The following RFX3 variants were observed in gnomAD, a reference collection of about 807,000 sequenced individuals.
RFX3 encodes transcription factor RFX3.
A neutral mutation model predicts 98.6 loss-of-function variants in RFX3; 14 were observed. The ratio of observed to expected loss-of-function variants is 0.14; its 90% CI spans 0.09 to 0.22. RFX3 has a LOEUF of 0.22. Ranked by LOEUF, RFX3 falls within the 10% of genes least tolerant of loss-of-function variation. The pLI is 1.00. For synonymous variants in RFX3, 383 were observed against 328.4 expected, an observed-to-expected ratio of 1.17 and a Z score of -1.80; for missense variants, 639 against 926.9, an observed-to-expected ratio of 0.69 and a Z score of 4.03.
intron 1 of RFX3, among the ~76,000 whole-genome samples, chr9:3,467,147 TAA>T (rs1491321948): frequency 7.6e-5 from 9 of 118,666 alleles, no homozygotes; most frequent in South Asian, 2.3e-4. Context: ...TGTATATACA[TAA>T]TATATATGTA....
rs1417098468 is a variant in RFX3, at chr9:3,518,130, G to T, written c.-9+7617C>A. On this transcript the variant is annotated intron_variant, in intron 1 of 16. Coordinates refer to ENST00000617270, the MANE Select transcript of RFX3 (RefSeq NM_001282116.2). Reference sequence around the variant, plus strand: ...CAATATGCTATACTATATAGCATAGGCGTGTAGCAGGCTATACCATCTAGG... The same window carrying T: ...CAATATGCTATACTATATAGCATAGTCGTGTAGCAGGCTATACCATCTAGG... Among the ~76,000 whole-genome samples, 3 of 152,144 alleles carry T rather than the reference G, an allele frequency of 2.0e-5. No individual in the cohort carries two copies. The East Asian group carries it at 5.8e-4, about 29-fold the overall frequency.
intron 4 of RFX3, among the ~76,000 whole-genome samples, chr9:3,314,645 A>G (rs369386685): frequency 2.0e-5 from 3 of 152,302 alleles, no homozygotes; most frequent in South Asian, 4.1e-4. Context: ...GTACAGAGAC[A>G]CACATAGGCT....
At chr9:3,400,121 G>T in intron 1 of RFX3, 2 of 328,120 alleles carry the variant, frequency 6.1e-6, no homozygotes, top group Non-Finnish European at 8.7e-6. Context: ...TTAAAACTAT[G>T]ATTTTCCTTA....
intron 1 of RFX3, chr9:3,469,234 A>C (rs1443207393): frequency 2.2e-6 from 1 of 454,002 alleles, no homozygotes; most frequent in East Asian, 6.9e-5. Flanking sequence ...ATTTGTGTTC[A>C]ATGTAGGAAC....
intron 1 of RFX3, among the ~76,000 whole-genome samples, chr9:3,512,421 T>C (rs747440035): frequency 6.6e-5 from 10 of 151,974 alleles, no homozygotes; most frequent in Non-Finnish European, 1.3e-4. Flanking sequence ...ACATTTATGG[T>C]ACACAGTTTT....
intron 4 of RFX3, among the ~76,000 whole-genome samples, chr9:3,304,619 G>A (rs932069188): frequency 1.1e-4 from 16 of 151,572 alleles, no homozygotes; most frequent in Non-Finnish European, 1.9e-4. Context: ...TCTTGTGGTA[G>A]TGAGTAAGTC....
chr9:3,379,818 G>A (rs1011207075), intron 2 of RFX3, among the ~76,000 whole-genome samples: 6 of 151,962 alleles, frequency 3.9e-5, no homozygotes, highest in Non-Finnish European at 5.9e-5. Flanking sequence ...AAAACGCTTT[G>A]CAGTTTGCAG....
chr9:3,517,498 C>T (rs1818294565), intron 1 of RFX3, among the ~76,000 whole-genome samples: 1 of 152,150 alleles, frequency 6.6e-6, no homozygotes, highest in African/African-American at 2.4e-5. Flanking sequence ...TACCCAATAC[C>T]TCATTTTTGC....
chr9:3,459,515 T>G (rs1847494441), intron 1 of RFX3, among the ~76,000 whole-genome samples: 1 of 152,142 alleles, frequency 6.6e-6, no homozygotes, highest in Non-Finnish European at 1.5e-5. Flanking sequence ...GACACTGTTT[T>G]ACATTTGGAT....
At chr9:3,329,758 T>A (rs1354292315) in intron 4 of RFX3, among the ~76,000 whole-genome samples, 2 of 152,196 alleles carry the variant, frequency 1.3e-5, no homozygotes, top group Non-Finnish European at 2.9e-5. Flanking sequence ...ACAGGTGGCA[T>A]GAGAAAATGG....
intron 4 of RFX3, among the ~76,000 whole-genome samples, chr9:3,326,214 G>T (rs925808622): frequency 1.3e-5 from 2 of 151,934 alleles, no homozygotes; most frequent in African/African-American, 4.8e-5. Flanking sequence ...CATATAAAAG[G>T]AAACAGTAAA....
At chr9:3,417,874 G>C (rs1489577856) in intron 1 of RFX3, among the ~76,000 whole-genome samples, 1 of 152,086 alleles carries the variant, frequency 6.6e-6, no homozygotes, top group Non-Finnish European at 1.5e-5. Flanking sequence ...TGCTTAATAA[G>C]GTTTATAATA....
intron 6 of RFX3, 68 bp downstream of exon 6, chr9:3,293,009 A>G (rs1415413537): frequency 7.8e-7 from 1 of 1,276,022 alleles, no homozygotes; most frequent in African/African-American, 1.5e-5. Flanking sequence ...TTTTGTTTAA[A>G]CAATATATTG....
chr9:3,468,064 C>T (rs117348748), intron 1 of RFX3, among the ~76,000 whole-genome samples: 296 of 152,264 alleles, frequency 1.9e-3, no homozygotes, highest in Non-Finnish European at 3.4e-3. Context: ...ATGTGATTAC[C>T]TTTCCAGAAA....
chr9:3,379,899 T>C (rs1838990823), intron 2 of RFX3, among the ~76,000 whole-genome samples: 1 of 150,938 alleles, frequency 6.6e-6, no homozygotes, highest in African/African-American at 2.4e-5. Context: ...TTTATTTATT[T>C]ATTTATTTAT....
intron 5 of RFX3, 78 bp from the exon 6 acceptor site, chr9:3,293,336 A>G (rs894473040): frequency 3.0e-6 from 3 of 991,722 alleles, no homozygotes; most frequent in Non-Finnish European, 4.5e-6. Context: ...CAAATGCAAC[A>G]TACAGAAATA....
intron 2 of RFX3, among the ~76,000 whole-genome samples, chr9:3,362,330 A>T (rs1223176541): frequency 1.3e-5 from 2 of 152,236 alleles, no homozygotes; most frequent in African/African-American, 2.4e-5. Context: ...TAAATGACAG[A>T]ATTCATTTTA....
intron 1 of RFX3, among the ~76,000 whole-genome samples, chr9:3,487,839 G>A (rs1850403259): frequency 1.3e-5 from 2 of 152,132 alleles, no homozygotes; most frequent in Non-Finnish European, 2.9e-5. Context: ...TCTAGAGTAA[G>A]AGTCAAAAGA....
At chr9:3,451,497 T>C (rs1846632225) in intron 1 of RFX3, among the ~76,000 whole-genome samples, 1 of 152,130 alleles carries the variant, frequency 6.6e-6, no homozygotes, top group Non-Finnish European at 1.5e-5. Context: ...TGAGCTACGA[T>C]TACGCCACTG....
Sources: gnomAD v4.1 joint callset for allele counts (sites outside exome capture counted in the v4.1 genomes callset) on GRCh38, gnomAD v4.1.1 for gene constraint, MANE v1.5 for transcripts, NCBI Gene and HGNC (gene_info 2026-07-23, HGNC 2026-07-21) for gene names.